RASGRF1: variants seen among roughly 807,000 people sequenced by gnomAD.
RASGRF1 encodes ras-specific guanine nucleotide-releasing factor 1.
In RASGRF1, 40 loss-of-function variants were observed where a neutral mutation model predicts 138.7. The observed-to-expected ratio is 0.29, with a 90% CI of 0.22 to 0.38. RASGRF1 has a LOEUF of 0.38. Among genes scored for constraint, RASGRF1 ranks in the 10% least tolerant of loss-of-function variants. The pLI, the probability that RASGRF1 is intolerant of heterozygous loss-of-function variation, is 1.00. For missense variants in RASGRF1, 1,108 were observed against 1,650.4 expected (o/e 0.67, Z 5.69); for synonymous variants, 614 against 663.2 (o/e 0.93, Z 1.14).
intron 24 of RASGRF1, chr15:78,978,910 T>A (rs1002408272): frequency 4.0e-6 from 5 of 1,259,508 alleles, no homozygotes; most frequent in Non-Finnish European, 5.1e-6. Flanking sequence ...AGCAGGGGAA[T>A]GTGGGAGAGA....
chr15:78,979,214 CACAA>C (rs1428217304), intron 24 of RASGRF1: 21 of 1,244,566 alleles, frequency 1.7e-5, no homozygotes, highest in African/African-American at 6.2e-5. Context: ...TGTCTGAGGA[CACAA>C]ACAAAGTGGA....
At chr15:79,086,364 C>G (rs975763840) in intron 1 of RASGRF1, among the ~76,000 whole-genome samples, 1 of 152,184 alleles carries the variant, frequency 6.6e-6, no homozygotes, top group Non-Finnish European at 1.5e-5. Context: ...AGCCAGAGAA[C>G]GCATCTCATT....
chr15:79,075,370 G>T (rs2057818837), intron 1 of RASGRF1, among the ~76,000 whole-genome samples: 1 of 152,144 alleles, frequency 6.6e-6, no homozygotes. Flanking sequence ...CGGTGCCTGA[G>T]CTCCAGCGCA....
chr15:79,064,106 G>C (rs1020783137), intron 2 of RASGRF1, among the ~76,000 whole-genome samples: 3 of 152,148 alleles, frequency 2.0e-5, no homozygotes, highest in Non-Finnish European at 4.4e-5. Flanking sequence ...AATGTTGGAG[G>C]CCTTAGGCTT....
rs1460417071 is a variant in RASGRF1, at chr15:78,999,761, T to C, written c.2728A>G (p.Met910Val). The change falls in exon 17 of 27, where the codon ATG becomes GTG. Residue 910 changes from methionine to valine, a missense_variant. By Grantham distance (21) the Met-to-Val change is conservative. Around this residue, in one of 3 missense-constraint regions of RASGRF1, gnomAD observed 686 missense variants for 976.7 expected, o/e 0.70. Transcript: ENST00000558480. ...CACATACCTGCACTGGCTAAGGACATCCTCCGGTACTTCTCCTTGTTTGGG... is the reference window on the plus strand; with the variant it reads ...CACATACCTGCACTGGCTAAGGACACCCTCCGGTACTTCTCCTTGTTTGGG... ...GTPNKEKYRRMSLASAGFPPD... is the reference protein window; with the variant it reads ...GTPNKEKYRRVSLASAGFPPD... 3.7e-6 allele frequency: 6 copies of C among 1,613,888 alleles called. No homozygotes were observed. Among genetic ancestry groups the C allele is most frequent in the Non-Finnish European group, 5.1e-6 (6 of 1,179,948 alleles).
intron 22 of RASGRF1, among the ~76,000 whole-genome samples, chr15:78,986,697 A>G (rs28501618): frequency 0.016 from 2,381 of 152,290 alleles, 27 homozygotes; most frequent in Middle Eastern, 0.024. Context: ...AAAGACTACT[A>G]CTTTAAAAAA....
At chr15:79,072,571 G>A (rs780984689) in intron 1 of RASGRF1, among the ~76,000 whole-genome samples, 14 of 152,060 alleles carry the variant, frequency 9.2e-5, no homozygotes, top group East Asian at 3.9e-4. Flanking sequence ...CACCGCGCCC[G>A]GCCAATAAAT....
In RASGRF1 at chr15:79,032,443, A is replaced by T; in HGVS notation, c.959-127T>A. ...CAGGTTCAAGTTCCCCACCCCAGAGACATCTCTGCTCTTGGGGATGACTCC... is the reference window on the plus strand; with the variant it reads ...CAGGTTCAAGTTCCCCACCCCAGAGTCATCTCTGCTCTTGGGGATGACTCC... On this transcript the variant is annotated intron_variant, in intron 6 of 26. Transcript: ENST00000558480. This position sits in a 1 kb window ranked among gnomAD's most constrained non-coding sequence, Gnocchi z 4.5. The T allele has an allele frequency of 2.4e-6, 2 of 849,690 alleles. No individual in the cohort carries two copies. Among genetic ancestry groups the T allele is most frequent in the Non-Finnish European group, 3.7e-6 (2 of 544,086 alleles). The allele number at this position is 849,690 out of a possible 1,614,324, so 52.6% of individuals were successfully genotyped here. A position where few individuals can be genotyped will look rare whatever the true frequency, so the allele number is the denominator to read the frequency against.
intron 20 of RASGRF1, among the ~76,000 whole-genome samples, chr15:78,992,602 C>T (rs2056294409): frequency 6.6e-6 from 1 of 152,012 alleles, no homozygotes; most frequent in African/African-American, 2.4e-5. Context: ...CTGTTAGGAA[C>T]AAGAATCCTC....
chr15:79,009,031 C>A (rs940129182), intron 13 of RASGRF1, among the ~76,000 whole-genome samples: 1 of 152,176 alleles, frequency 6.6e-6, no homozygotes. Context: ...TCTAACCAGA[C>A]GCACTCTCAG....
chr15:79,061,331 TA>T (rs59820395), intron 2 of RASGRF1, among the ~76,000 whole-genome samples: 1,953 of 150,712 alleles, frequency 0.013, 36 homozygotes, highest in African/African-American at 0.045. Flanking sequence ...AACAGGGAGG[TA>T]AAATAATGGG....
intron 1 of RASGRF1, among the ~76,000 whole-genome samples, chr15:79,068,653 G>A (rs1332716478): frequency 6.7e-6 from 1 of 150,176 alleles, no homozygotes; most frequent in Non-Finnish European, 1.5e-5. Flanking sequence ...TCCATCTATC[G>A]ATATATCTGG....
intron 12 of RASGRF1, 89 bp from the exon 13 acceptor site, chr15:79,015,498 G>T: frequency 8.3e-7 from 1 of 1,202,126 alleles, no homozygotes; most frequent in Non-Finnish European, 1.2e-6. Flanking sequence ...AAGTTCACAT[G>T]CCTCAGTCTG....
chr15:79,059,224 C>T (rs748169524), intron 2 of RASGRF1, among the ~76,000 whole-genome samples: 15 of 67,634 alleles, frequency 2.2e-4, no homozygotes, highest in Non-Finnish European at 3.0e-4. Context: ...CTTCCCTATC[C>T]TTCCCTTCCC....
chr15:79,024,036 TACAA>T (rs1161115972), intron 10 of RASGRF1, among the ~76,000 whole-genome samples: 1 of 106,730 alleles, frequency 9.4e-6, no homozygotes, highest in South Asian at 2.8e-4. Flanking sequence ...CACACACACA[TACAA>T]ACACACACAC....
chr15:79,055,593 C>T lies in RASGRF1; in HGVS notation c.531+2741G>A, dbSNP rs144747561. Reference sequence around the variant, plus strand: ...TGAGACACACACACACACACACACACTCTCTCACTCAGTCATGACTGACCT... The same window carrying T: ...TGAGACACACACACACACACACACATTCTCTCACTCAGTCATGACTGACCT... On this transcript the variant is annotated intron_variant, in intron 3 of 26. Coordinates refer to ENST00000558480, the MANE Select transcript of RASGRF1 (RefSeq NM_001145648.3). 2.2e-3 allele frequency among the ~76,000 whole-genome samples: 315 copies of T among 140,720 alleles called. 2 individuals are homozygous for T. Among genetic ancestry groups the T allele is most frequent in the Non-Finnish European group, 3.1e-3 (210 of 67,824 alleles). The allele number at this position is 140,720 out of a possible 152,430, so 92.3% of individuals were successfully genotyped here. A position where few individuals can be genotyped will look rare whatever the true frequency, so the allele number is the denominator to read the frequency against.
At chr15:79,026,885 C>T (rs75399633) in intron 9 of RASGRF1, among the ~76,000 whole-genome samples, 13,259 of 152,214 alleles carry the variant, frequency 0.087, 739 homozygotes, top group South Asian at 0.16. Context: ...CAGCAGGTCA[C>T]AGGGTGGGCC....
chr15:78,997,056 C>T lies in RASGRF1; in HGVS notation c.2966+1040G>A, dbSNP rs369137426. ...CTGAACAGCCTGTAAAAGTGACACC[C>T]GTGATCTCATCCCAGCCTTGAAGCG... On this transcript the variant is annotated intron_variant, in intron 19 of 26. Transcript: ENST00000558480. Among the ~76,000 whole-genome samples, 244 of 152,318 alleles carry T rather than the reference C, an allele frequency of 1.6e-3. 3 individuals are homozygous for T. Among genetic ancestry groups the T allele is most frequent in the African/African-American group, 5.5e-3 (227 of 41,572 alleles).
In RASGRF1 at chr15:78,973,470, G is replaced by A; in HGVS notation, c.3495-50C>T. ...AAGTTTTTCATTTTAAAAAAGTAACGTCTACCAAGAACAGAACATCCCGCA... is the reference window on the plus strand; with the variant it reads ...AAGTTTTTCATTTTAAAAAAGTAACATCTACCAAGAACAGAACATCCCGCA... On this transcript the variant is annotated intron_variant, in intron 24 of 26. Coordinates refer to ENST00000558480, the MANE Select transcript of RASGRF1 (RefSeq NM_001145648.3). The surrounding 1 kb of genome is among the most constrained non-coding windows in gnomAD (Gnocchi z 4.9). 2 of 1,388,034 alleles carry A rather than the reference G, an allele frequency of 1.4e-6. No individual in the cohort carries two copies. Among genetic ancestry groups the A allele is most frequent in the African/African-American group, 1.4e-5 (1 of 69,904 alleles). 86.0% of individuals were successfully genotyped at this position (1,388,034 alleles called of 1,614,324 possible).
Sources: gnomAD v4.1 joint callset for allele counts (sites outside exome capture counted in the v4.1 genomes callset) on GRCh38, gnomAD v4.1.1 for gene constraint, gnomAD v4.1.1 regional missense constraint, Gnocchi (gnomAD v3.1) non-coding constraint, MANE v1.5 for transcripts, NCBI Gene and HGNC (gene_info 2026-07-23, HGNC 2026-07-21) for gene names.